Variants in ZNF713 observed in about 807,000 individuals in gnomAD.
ZNF713 encodes zinc finger protein 713.
ZNF713 carries 21 observed loss-of-function variants against 28.7 expected under a neutral mutation model. That is an observed-to-expected ratio of 0.73 (90% CI 0.52 to 1.05). ZNF713 has a LOEUF of 1.05. Ranked by LOEUF, ZNF713 falls within the 50% of genes least tolerant of loss-of-function variation. ZNF713 has a pLI of 0.00. For missense variants in ZNF713, 458 were observed against 532.4 expected (o/e 0.86, Z 1.37); for synonymous variants, 167 against 178.0 (o/e 0.94, Z 0.49).
intron 1 of ZNF713, among the ~76,000 whole-genome samples, chr7:55,888,040 C>G (rs1785310976): frequency 6.6e-6 from 1 of 151,966 alleles, no homozygotes; most frequent in Non-Finnish European, 1.5e-5. Context: ...ACATTGTCTT[C>G]TACTATCTGG....
chr7:55,911,076 A>G (rs1768200935), intron 2 of ZNF713, among the ~76,000 whole-genome samples: 1 of 152,162 alleles, frequency 6.6e-6, no homozygotes, highest in Non-Finnish European at 1.5e-5. Context: ...GACTTTTGAA[A>G]TGTTAGATTC....
chr7:55,933,108 G>T (rs1302594705), intron 6 of ZNF713, among the ~76,000 whole-genome samples: 2 of 150,772 alleles, frequency 1.3e-5, no homozygotes, highest in African/African-American at 4.9e-5. Context: ...GTGGTGGCAG[G>T]CGCCTGTGAT....
intron 4 of ZNF713, among the ~76,000 whole-genome samples, chr7:55,914,202 A>C (rs1301209266): frequency 6.6e-6 from 1 of 152,172 alleles, no homozygotes; most frequent in Admixed American, 6.5e-5. Context: ...AAAATATTTA[A>C]GATCTCTTTT....
At position 55,940,034 on chromosome 7, in the gene ZNF713, T is replaced by C. The variant is rs1786433651; in HGVS notation, c.*28T>C. The C allele has an allele frequency of 6.6e-7, 1 of 1,523,484 alleles. No homozygotes were observed. Among genetic ancestry groups the C allele is most frequent in the Middle Eastern group, 1.8e-4 (1 of 5,648 alleles). The allele number at this position is 1,523,484 out of a possible 1,614,324, so 94.4% of individuals were successfully genotyped here. A position where few individuals can be genotyped will look rare whatever the true frequency, so the allele number is the denominator to read the frequency against. ...TATGGTGGGGGAAATCAGATAAATA[T>C]ATAAATGTAGGAGATTTTTTGGTCA... On this transcript the variant is annotated 3_prime_UTR_variant, in exon 7 of 7. Coordinates refer to ENST00000429591, the MANE Select transcript of ZNF713 (RefSeq NM_182633.3).
chr7:55,901,437 C>T (rs1049440826), intron 1 of ZNF713, among the ~76,000 whole-genome samples: 1 of 152,258 alleles, frequency 6.6e-6, no homozygotes, highest in Admixed American at 6.5e-5. Flanking sequence ...GGAGACACAG[C>T]CAAACCACAT....
At chr7:55,914,679 A>G (rs1213509395) in intron 4 of ZNF713, among the ~76,000 whole-genome samples, 2 of 152,170 alleles carry the variant, frequency 1.3e-5, no homozygotes, top group East Asian at 1.9e-4. Flanking sequence ...TGTTGATACC[A>G]GCAGGTAGGG....
chr7:55,923,294 G>T lies in ZNF713; in HGVS notation c.214+6G>T. 1 of 1,601,968 alleles carries T rather than the reference G, an allele frequency of 6.2e-7. No homozygotes were observed. The highest frequency in any genetic ancestry group is 8.5e-7 in the Non-Finnish European group (1 of 1,176,460). ...CAGGAATCTAGTTGCACTGGGTGAG[G>T]ATGGCATCCCTGTGAAACCGGAAGC... On this transcript the variant is annotated splice_donor_region_variant and intron_variant, in intron 5 of 6. Transcript: ENST00000429591.
At chr7:55,931,711 C>A (rs1266673372) in intron 6 of ZNF713, among the ~76,000 whole-genome samples, 1 of 152,118 alleles carries the variant, frequency 6.6e-6, no homozygotes, top group East Asian at 1.9e-4. Flanking sequence ...AGTTCAAAAG[C>A]CATGGATGGG....
chr7:55,904,884 A>G (rs1272671718), intron 1 of ZNF713, among the ~76,000 whole-genome samples: 2 of 151,940 alleles, frequency 1.3e-5, no homozygotes, highest in Middle Eastern at 3.4e-3. Context: ...GCACCACCAC[A>G]CCCGGCTAAT....
chr7:55,939,647 C>G lies in ZNF713; in HGVS notation c.973C>G (p.Gln325Glu). The stretch of plus-strand genomic sequence containing the variant: ...CAATGGATGTGGGAAAGCCTTCCGT[C>G]AGCATTCATCCTTTACTCAACATCT... ...ICNGCGKAFR[Q>E]HSSFTQHLRI... is the part of the protein sequence containing the mutation. The change falls in exon 7 of 7, where the codon CAG (glutamine) becomes GAG (glutamate). Residue 325 changes from glutamine (Q) to glutamate (E), a missense_variant. Coordinates refer to ENST00000429591, the MANE Select transcript of ZNF713 (RefSeq NM_182633.3). The G allele has an allele frequency of 6.2e-7, 1 of 1,614,190 alleles. No individual in the cohort carries two copies. Among genetic ancestry groups the G allele is most frequent in the Non-Finnish European group, 8.5e-7 (1 of 1,180,040 alleles).
At chr7:55,910,017 G>A (rs147284702) in intron 2 of ZNF713, among the ~76,000 whole-genome samples, 1 of 151,728 alleles carries the variant, frequency 6.6e-6, no homozygotes, top group African/African-American at 2.4e-5. Flanking sequence ...GTGTGTGTGT[G>A]TGTATATATA....
At chr7:55,938,073 A>T (rs767351122) in intron 6 of ZNF713, among the ~76,000 whole-genome samples, 1 of 152,002 alleles carries the variant, frequency 6.6e-6, no homozygotes, top group African/African-American at 2.4e-5. Context: ...GTGTGATGGT[A>T]CATACCTGTA....
chr7:55,913,912 A>G (rs1261168060), intron 4 of ZNF713, among the ~76,000 whole-genome samples: 1 of 152,092 alleles, frequency 6.6e-6, no homozygotes, highest in Non-Finnish European at 1.5e-5. Context: ...GAGTTCCAAG[A>G]CCAGCTTGAC....
intron 1 of ZNF713, among the ~76,000 whole-genome samples, chr7:55,898,108 T>C (rs1009059022): frequency 6.6e-6 from 1 of 151,992 alleles, no homozygotes; most frequent in Admixed American, 6.6e-5. Context: ...CAACTCAAAA[T>C]GGATTAAGGA....
At chr7:55,901,217 G>A (rs564025816) in intron 1 of ZNF713, among the ~76,000 whole-genome samples, 14 of 152,232 alleles carry the variant, frequency 9.2e-5, no homozygotes, top group African/African-American at 2.9e-4. Flanking sequence ...AGGCAAGGAG[G>A]AGCAAGTCAC....
In ZNF713 at chr7:55,940,354, C is replaced by T. The variant is rs760660171; in HGVS notation, c.*348C>T. On this transcript the variant is annotated 3_prime_UTR_variant, in exon 7 of 7. Coordinates refer to ENST00000429591, the MANE Select transcript of ZNF713 (RefSeq NM_182633.3). ...GGCCAGGCTGGTCTCGAACTCCTAA[C>T]CTCAGGTGATCCGCCCACCTCGGCC... 87 of 746,244 alleles carry T rather than the reference C, an allele frequency of 1.2e-4. No individual in the cohort carries two copies. In the Middle Eastern group the frequency reaches 5.0e-3, roughly 42 times the overall value. The allele number at this position is 746,244 out of a possible 1,614,324, so 46.2% of individuals were successfully genotyped here.
At chr7:55,937,585 CAGT>C (rs1261889455) in intron 6 of ZNF713, among the ~76,000 whole-genome samples, 2 of 152,024 alleles carry the variant, frequency 1.3e-5, no homozygotes, top group Non-Finnish European at 2.9e-5. Context: ...GACAATGTAA[CAGT>C]AGGAACATCT....
At chr7:55,920,986 T>C (rs28828764) in intron 4 of ZNF713, among the ~76,000 whole-genome samples, 43,537 of 151,856 alleles carry the variant, frequency 0.29, 6,643 homozygotes, top group Middle Eastern at 0.38. Context: ...TGACTTCTTT[T>C]GTTAAGGGAT....
At chr7:55,927,191 G>A (rs1196826794) in intron 6 of ZNF713, among the ~76,000 whole-genome samples, 1 of 151,786 alleles carries the variant, frequency 6.6e-6, no homozygotes, top group African/African-American at 2.4e-5. Context: ...GAGTGGGAAG[G>A]GGAAATAATA....
Sources: gnomAD v4.1 joint callset for allele counts (sites outside exome capture counted in the v4.1 genomes callset) on GRCh38, gnomAD v4.1.1 for gene constraint, MANE v1.5 for transcripts, NCBI Gene and HGNC (gene_info 2026-07-23, HGNC 2026-07-21) for gene names.